Variants in TAS2R1 observed in about 807,000 individuals in gnomAD.
TAS2R1 encodes the protein taste receptor type 2 member 1.
For missense variants in TAS2R1, 370 were observed against 353.4 expected (o/e 1.05, Z -0.38); for synonymous variants, 141 against 134.2 (o/e 1.05, Z -0.35).
At chr5:9,677,132 A>G (rs1740893299) in intron 1 of TAS2R1, among the ~76,000 whole-genome samples, 1 of 152,220 alleles carries the variant, frequency 6.6e-6, no homozygotes, top group Non-Finnish European at 1.5e-5. Context: ...GGAAACCATT[A>G]TCGTTAGCAA....
chr5:9,894,100 T>C, the TAS2R1 span, among the ~76,000 whole-genome samples: 1 of 152,270 alleles, frequency 6.6e-6, no homozygotes, highest in South Asian at 2.1e-4. Flanking sequence ...CTGATTTGTG[T>C]CCTTTTAAGA....
At chr5:9,853,445 GC>G in the TAS2R1 span, among the ~76,000 whole-genome samples, 1 of 152,192 alleles carries the variant, frequency 6.6e-6, no homozygotes, top group African/African-American at 2.4e-5. Flanking sequence ...TCAGGACATT[GC>G]CATGGAAAGG....
In TAS2R1 at chr5:9,658,131, G is replaced by A. The variant is rs55873328; in HGVS notation, c.-81+1290C>T. Among the ~76,000 whole-genome samples the A allele has an allele frequency of 6.5e-3, 996 of 152,236 alleles. 4 individuals carry two copies. Among genetic ancestry groups the A allele is most frequent in the Non-Finnish European group, 0.01 (686 of 68,018 alleles). Reference sequence around the variant, plus strand: ...CTATATTCTCAATCTATCACCCCTGGAATGAAAGCAATAATAGTAGCTAAC... The same window carrying A: ...CTATATTCTCAATCTATCACCCCTGAAATGAAAGCAATAATAGTAGCTAAC... On this transcript the variant is annotated intron_variant, in intron 2 of 2. Coordinates refer to the TAS2R1 transcript ENST00000506620.
chr5:9,822,827 G>T, the TAS2R1 span, among the ~76,000 whole-genome samples: 15 of 152,074 alleles, frequency 9.9e-5, no homozygotes, highest in African/African-American at 3.4e-4. Flanking sequence ...ATGAAATTAA[G>T]ATAATTTTCC....
the TAS2R1 span, among the ~76,000 whole-genome samples, chr5:9,766,033 G>A: frequency 6.6e-6 from 1 of 152,212 alleles, no homozygotes; most frequent in Admixed American, 6.5e-5. Flanking sequence ...CAGCCAGGAT[G>A]CTACTTGGCC....
chr5:9,895,240 A>G, the TAS2R1 span, among the ~76,000 whole-genome samples: 1 of 152,334 alleles, frequency 6.6e-6, no homozygotes, highest in Non-Finnish European at 1.5e-5. Context: ...GTGCCTTCTG[A>G]TGGAAAGCCA....
chr5:9,740,065 C>T, the TAS2R1 span, among the ~76,000 whole-genome samples: 1 of 152,128 alleles, frequency 6.6e-6, no homozygotes, highest in Non-Finnish European at 1.5e-5. Context: ...GTTGTCTAGT[C>T]CCAAGTCCCC....
chr5:9,793,562 C>G, the TAS2R1 span, among the ~76,000 whole-genome samples: 1 of 152,132 alleles, frequency 6.6e-6, no homozygotes, highest in African/African-American at 2.4e-5. Context: ...AGCTCAGATG[C>G]CCATATGCAC....
chr5:9,871,778 C>T, the TAS2R1 span, among the ~76,000 whole-genome samples: 2 of 152,128 alleles, frequency 1.3e-5, no homozygotes, highest in African/African-American at 2.4e-5. Context: ...GAATAAGGGG[C>T]TGCACTAGTT....
chr5:9,861,037 G>GTTTTTTTTTTTTTTTTTTTTTT, the TAS2R1 span, among the ~76,000 whole-genome samples: 264 of 88,486 alleles, frequency 3.0e-3, 20 homozygotes, highest in Middle Eastern at 0.022. Context: ...GGAAGATGAG[G>GTTTTTTTTTTTTTTTTTTTTTT]TTTTTTTTTT....
chr5:9,852,739 G>T, the TAS2R1 span, among the ~76,000 whole-genome samples: 1 of 152,240 alleles, frequency 6.6e-6, no homozygotes, highest in African/African-American at 2.4e-5. Flanking sequence ...TTCATTCACA[G>T]CACTGATACC....
intron 1 of TAS2R1, among the ~76,000 whole-genome samples, chr5:9,680,035 A>C (rs1421208936): frequency 6.6e-6 from 1 of 152,192 alleles, no homozygotes; most frequent in Non-Finnish European, 1.5e-5. Context: ...TCAGATAGTA[A>C]GGAAGTGTTT....
At chr5:9,883,566 T>G in the TAS2R1 span, among the ~76,000 whole-genome samples, 1 of 152,122 alleles carries the variant, frequency 6.6e-6, no homozygotes, top group African/African-American at 2.4e-5. Context: ...TCACTAATAT[T>G]TAAAGGTAAG....
At chr5:9,847,372 C>G in the TAS2R1 span, among the ~76,000 whole-genome samples, 1 of 152,190 alleles carries the variant, frequency 6.6e-6, no homozygotes, top group Admixed American at 6.5e-5. Context: ...ATTATACCCT[C>G]AATACCTAAC....
At chr5:9,824,381 T>C in the TAS2R1 span, among the ~76,000 whole-genome samples, 1 of 152,236 alleles carries the variant, frequency 6.6e-6, no homozygotes, top group Non-Finnish European at 1.5e-5. Flanking sequence ...AGCAGCCAGA[T>C]GGTGTTCTGT....
At chr5:9,787,104 G>A in the TAS2R1 span, among the ~76,000 whole-genome samples, 1 of 152,142 alleles carries the variant, frequency 6.6e-6, no homozygotes, top group Non-Finnish European at 1.5e-5. Flanking sequence ...AGACAGAGAT[G>A]TTGCGCCATG....
At chr5:9,661,834 T>C (rs1458721119) in intron 1 of TAS2R1, among the ~76,000 whole-genome samples, 1 of 152,220 alleles carries the variant, frequency 6.6e-6, no homozygotes, top group Non-Finnish European at 1.5e-5. Context: ...CCAATCAGGA[T>C]AAGCTAGTTT....
the TAS2R1 span, among the ~76,000 whole-genome samples, chr5:9,727,527 T>C: frequency 0.14 from 21,319 of 152,150 alleles, 1,601 homozygotes; most frequent in Middle Eastern, 0.17. Flanking sequence ...TAAAAGACTG[T>C]CAACTCCTAC....
chr5:9,854,523 TAATAAGGAACAAAGGTTGTTG>T, the TAS2R1 span: 13 of 152,138 alleles, frequency 8.5e-5, no homozygotes, highest in African/African-American at 3.1e-4. Context: ...ATCAGAGTTG[TAATAAGGAACAAAGGTTGTTG>T]AAGGTAAGAT....
Sources: gnomAD v4.1 joint callset for allele counts (sites outside exome capture counted in the v4.1 genomes callset) on GRCh38, gnomAD v4.1.1 for gene constraint, MANE v1.5 for transcripts, NCBI Gene and HGNC (gene_info 2026-07-23, HGNC 2026-07-21) for gene names.